The following PCDH9 variants were observed in gnomAD, a reference collection of about 807,000 sequenced individuals.
PCDH9 encodes the protein protocadherin-9.
A neutral mutation model predicts 70.6 loss-of-function variants in PCDH9; 24 were observed. That is an observed-to-expected ratio of 0.34 (90% CI 0.25 to 0.48). The LOEUF (loss-of-function observed/expected upper bound fraction) is 0.48, where lower values mean the gene tolerates loss of function less well. Ranked by LOEUF, PCDH9 falls within the 20% of genes least tolerant of loss-of-function variation. The pLI is 0.99. For synonymous variants in PCDH9, 562 were observed against 558.5 expected (o/e 1.01, Z -0.09); for missense variants, 1,281 against 1,503.6 (o/e 0.85, Z 2.45).
At chr13:66,983,021 G>C (rs1436184719) in intron 2 of PCDH9, among the ~76,000 whole-genome samples, 2 of 152,144 alleles carry the variant, frequency 1.3e-5, no homozygotes, top group East Asian at 3.9e-4. Context: ...GTTTATAAAA[G>C]TTCTGAGAAA....
Position 66,614,892 on chromosome 13 carries a change from C to T in PCDH9, c.3340+16318G>A, listed in dbSNP as rs560205487. On this transcript the variant is annotated intron_variant, in intron 4 of 4. Transcript: ENST00000377865. ...CTGGTTTCCATTGGCTGGAATGGGA[C>T]CTCACATTTTGTATTTGTCCCGATT... Among the ~76,000 whole-genome samples the T allele has an allele frequency of 1.2e-4, 19 of 152,252 alleles. 1 individual carries two copies. In the South Asian group the frequency reaches 1.9e-3, roughly 15 times the overall value.
At chr13:67,022,216 C>T (rs114139212) in intron 2 of PCDH9, among the ~76,000 whole-genome samples, 6,755 of 130,632 alleles carry the variant, frequency 0.052, 275 homozygotes, top group African/African-American at 0.13. Flanking sequence ...CTGCAACCTC[C>T]GCCTCAAGTG....
intron 3 of PCDH9, among the ~76,000 whole-genome samples, chr13:66,726,690 T>A (rs1173939006): frequency 1.3e-5 from 2 of 152,218 alleles, no homozygotes; most frequent in Non-Finnish European, 2.9e-5. Context: ...CCTCCCTGCG[T>A]ACCAAAGACC....
intron 2 of PCDH9, among the ~76,000 whole-genome samples, chr13:67,184,674 T>G (rs1480096800): frequency 6.6e-6 from 1 of 152,140 alleles, no homozygotes; most frequent in Non-Finnish European, 1.5e-5. Context: ...GAGGCTGCAG[T>G]GAGCTGAGAT....
intron 4 of PCDH9, among the ~76,000 whole-genome samples, chr13:66,586,354 T>C (rs2138799315): frequency 6.6e-6 from 1 of 152,304 alleles, no homozygotes; most frequent in Non-Finnish European, 1.5e-5. Context: ...TTTTAATTGA[T>C]TCTAATTTTC....
At chr13:67,214,433 T>A (rs991469950) in intron 2 of PCDH9, 3 of 152,164 alleles carry the variant, frequency 2.0e-5, no homozygotes, top group Non-Finnish European at 4.4e-5. Context: ...TGAAACAGAT[T>A]CTCTCTTATA....
At chr13:66,465,621 GAACT>G (rs1313573866) in intron 4 of PCDH9, among the ~76,000 whole-genome samples, 1 of 151,894 alleles carries the variant, frequency 6.6e-6, no homozygotes, top group African/African-American at 2.4e-5. Flanking sequence ...GATGAACAAT[GAACT>G]AGGCTCTTCC....
chr13:66,326,473 C>CAGTG (rs758637186), intron 4 of PCDH9, among the ~76,000 whole-genome samples: 2 of 151,852 alleles, frequency 1.3e-5, no homozygotes, highest in Non-Finnish European at 2.9e-5. Flanking sequence ...GGCTGGAGTG[C>CAGTG]AGTGGCGCGA....
intron 2 of PCDH9, among the ~76,000 whole-genome samples, chr13:66,980,080 CTAT>C (rs2083708276): frequency 1.6e-5 from 1 of 60,946 alleles, no homozygotes; most frequent in Non-Finnish European, 3.3e-5. Flanking sequence ...TTATCCATCT[CTAT>C]CTATCTATCT....
intron 4 of PCDH9, among the ~76,000 whole-genome samples, chr13:66,382,847 ATGGTGAAACTC>A (rs1956870867): frequency 6.6e-6 from 1 of 152,192 alleles, no homozygotes; most frequent in Non-Finnish European, 1.5e-5. Context: ...CCTGGCCAAC[ATGGTGAAACTC>A]TGTCACTACT....
chr13:66,813,747 T>C (rs1254252170), intron 3 of PCDH9, among the ~76,000 whole-genome samples: 1 of 152,186 alleles, frequency 6.6e-6, no homozygotes, highest in East Asian at 1.9e-4. Flanking sequence ...TGCTGTACTA[T>C]ATACTATATG....
intron 2 of PCDH9, among the ~76,000 whole-genome samples, chr13:66,989,332 T>A (rs2083955759): frequency 1.3e-5 from 2 of 151,944 alleles, no homozygotes. Context: ...AATGACCTTA[T>A]GAAGTTAGAA....
intron 4 of PCDH9, among the ~76,000 whole-genome samples, chr13:66,605,460 AAAAGAG>A (rs1423391543): frequency 1.3e-5 from 2 of 152,142 alleles, no homozygotes; most frequent in African/African-American, 4.8e-5. Flanking sequence ...AGAAAAGTAC[AAAAGAG>A]AAAAGAGCAA....
At chr13:66,864,783 T>C (rs963430214) in intron 3 of PCDH9, among the ~76,000 whole-genome samples, 5 of 152,182 alleles carry the variant, frequency 3.3e-5, no homozygotes, top group Non-Finnish European at 4.4e-5. Context: ...ATTAATCAGA[T>C]CTGAGGGTGT....
intron 2 of PCDH9, chr13:67,002,094 T>C (rs1383611500): frequency 6.6e-6 from 1 of 152,226 alleles, no homozygotes; most frequent in African/African-American, 2.4e-5. Flanking sequence ...AATGTCTTTA[T>C]CTTCAGATTT....
chr13:66,711,102 T>C (rs1335112189), intron 3 of PCDH9, among the ~76,000 whole-genome samples: 3 of 152,132 alleles, frequency 2.0e-5, no homozygotes, highest in Admixed American at 6.5e-5. Flanking sequence ...TAATAGAGTA[T>C]TATTTCTTCC....
chr13:66,651,107 A>G (rs1463461377), intron 3 of PCDH9, among the ~76,000 whole-genome samples: 1 of 151,976 alleles, frequency 6.6e-6, no homozygotes, highest in East Asian at 1.9e-4. Context: ...TAAACAACCT[A>G]AAAATGCATC....
intron 3 of PCDH9, among the ~76,000 whole-genome samples, chr13:66,733,009 T>C (rs191693744): frequency 6.0e-4 from 91 of 152,202 alleles, no homozygotes; most frequent in African/African-American, 2.1e-3. Flanking sequence ...TTTAAGCATA[T>C]ATGTTTATAT....
chr13:66,730,876 G>GTGTGTTTTTTTTTTTTTTT (rs1555262846), intron 3 of PCDH9, among the ~76,000 whole-genome samples: 2 of 46,358 alleles, frequency 4.3e-5, no homozygotes, highest in African/African-American at 1.5e-4. Flanking sequence ...GTGTGTGTGT[G>GTGTGTTTTTTTTTTTTTTT]TTTTTTTTTT....
Sources: gnomAD v4.1 joint callset for allele counts (sites outside exome capture counted in the v4.1 genomes callset) on GRCh38, gnomAD v4.1.1 for gene constraint, MANE v1.5 for transcripts, NCBI Gene and HGNC (gene_info 2026-07-23, HGNC 2026-07-21) for gene names.